Variants in FIRRM observed in about 807,000 individuals in gnomAD.
FIRRM encodes FIGNL1 interacting regulator of recombination and mitosis.
At chr1:169,823,364 G>C in the FIRRM span, 3 of 1,204,776 alleles carry the variant, frequency 2.5e-6, no homozygotes, top group Non-Finnish European at 3.6e-6. Context: ...GTACTAAAGA[G>C]ACATATTTTT....
the FIRRM span, chr1:169,802,525 A>T: frequency 1.3e-6 from 1 of 793,570 alleles, no homozygotes; most frequent in Admixed American, 2.8e-5. Flanking sequence ...CTAGTGCAAA[A>T]TCAAATTATC....
chr1:169,789,225 GT>G, the FIRRM span, among the ~76,000 whole-genome samples: 1 of 152,216 alleles, frequency 6.6e-6, no homozygotes, highest in Non-Finnish European at 1.5e-5. Context: ...AAAGACTCAA[GT>G]TCATGGAGTC....
At chr1:169,842,620 T>TAGA in the FIRRM span, 1 of 1,500,860 alleles carries the variant, frequency 6.7e-7, no homozygotes, top group South Asian at 1.3e-5. Flanking sequence ...TTTTCCAGTG[T>TAGA]AGAGTAAAAT....
the FIRRM span, chr1:169,829,317 C>T: frequency 1.9e-6 from 3 of 1,613,238 alleles, no homozygotes; most frequent in Non-Finnish European, 2.5e-6. Flanking sequence ...CTGGTGAACT[C>T]TCTCTACCTG....
chr1:169,791,644 T>G, the FIRRM span, among the ~76,000 whole-genome samples: 1 of 152,240 alleles, frequency 6.6e-6, no homozygotes, highest in Non-Finnish European at 1.5e-5. Context: ...AGTTAGCTAT[T>G]ATGATCACTA....
At chr1:169,845,845 G>A in the FIRRM span, among the ~76,000 whole-genome samples, 4 of 152,172 alleles carry the variant, frequency 2.6e-5, no homozygotes, top group Admixed American at 2.6e-4. Flanking sequence ...TCTAATTCCT[G>A]TTAATGTTGA....
chr1:169,827,610 GCTGGGTGACAGAGTGAGACTCTGACT>G, the FIRRM span: 1 of 1,315,540 alleles, frequency 7.6e-7, no homozygotes, highest in Admixed American at 1.7e-5. Flanking sequence ...TGCACTCCAG[GCTGGGTGACAGAGTGAGACTCTGACT>G]CAAACAAAAA....
chr1:169,810,585 G>A, the FIRRM span, among the ~76,000 whole-genome samples: 3 of 151,698 alleles, frequency 2.0e-5, no homozygotes, highest in African/African-American at 4.8e-5. Context: ...GTGATTAAGG[G>A]CATACCTTAC....
chr1:169,809,873 G>C, the FIRRM span, among the ~76,000 whole-genome samples: 1 of 152,148 alleles, frequency 6.6e-6, no homozygotes, highest in Non-Finnish European at 1.5e-5. Flanking sequence ...TTTCCTGGCA[G>C]TTTTCACTTT....
chr1:169,848,999 A>C, the FIRRM span, among the ~76,000 whole-genome samples: 3 of 152,360 alleles, frequency 2.0e-5, no homozygotes, highest in East Asian at 1.9e-4. Context: ...AACCAAACTA[A>C]TAAATCCCCA....
the FIRRM span, chr1:169,830,742 C>T: frequency 5.8e-5 from 94 of 1,613,576 alleles, no homozygotes; most frequent in Non-Finnish European, 7.5e-5. Flanking sequence ...CATAGTGGCT[C>T]ATCTGGTGCG....
chr1:169,794,850 G>A, the FIRRM span: 1 of 483,094 alleles, frequency 2.1e-6, no homozygotes, highest in South Asian at 2.6e-5. Context: ...TCCTGGGATC[G>A]CGCTTCTGAA....
At chr1:169,799,786 C>G in the FIRRM span, among the ~76,000 whole-genome samples, 2 of 152,176 alleles carry the variant, frequency 1.3e-5, no homozygotes, top group Admixed American at 6.5e-5. Context: ...CTCCTGAGCT[C>G]AAGTGATCCT....
the FIRRM span, chr1:169,800,808 G>T: frequency 9.4e-6 from 5 of 531,974 alleles, no homozygotes; most frequent in East Asian, 4.2e-5. Flanking sequence ...TAGTATTCTT[G>T]CATTTAATAA....
chr1:169,810,636 C>A, the FIRRM span, among the ~76,000 whole-genome samples: 2 of 151,804 alleles, frequency 1.3e-5, no homozygotes, highest in Admixed American at 1.3e-4. Flanking sequence ...TCTTCAATAA[C>A]CCTATTTCCA....
the FIRRM span, among the ~76,000 whole-genome samples, chr1:169,817,699 A>G: frequency 2.0e-5 from 3 of 152,216 alleles, no homozygotes; most frequent in Non-Finnish European, 2.9e-5. Flanking sequence ...TCAGTATAAA[A>G]TGTAATCAGT....
the FIRRM span, among the ~76,000 whole-genome samples, chr1:169,798,552 C>T: frequency 3.9e-5 from 6 of 151,910 alleles, no homozygotes; most frequent in Admixed American, 3.9e-4. Flanking sequence ...CAGGTGTGAG[C>T]CACCCCACTT....
chr1:169,839,012 A>G, the FIRRM span, among the ~76,000 whole-genome samples: 3 of 152,096 alleles, frequency 2.0e-5, no homozygotes, highest in African/African-American at 7.2e-5. Flanking sequence ...GCTCTCACTT[A>G]TAAGTGAGAA....
At chr1:169,852,248 C>G in the FIRRM span, 3 of 364,822 alleles carry the variant, frequency 8.2e-6, no homozygotes, top group African/African-American at 6.4e-5. Context: ...AAACTTACTC[C>G]TAAATGTTTA....
Sources: gnomAD v4.1 joint callset for allele counts (sites outside exome capture counted in the v4.1 genomes callset) on GRCh38, gnomAD v4.1.1 for gene constraint, MANE v1.5 for transcripts, NCBI Gene and HGNC (gene_info 2026-07-23, HGNC 2026-07-21) for gene names.